LRRFIP1: variants seen among roughly 807,000 people sequenced by gnomAD.
LRRFIP1 encodes the protein LRR binding FLII interacting protein 1, also known as leucine-rich repeat flightless-interacting protein 1.
LRRFIP1 carries 62 observed loss-of-function variants against 104.4 expected under a neutral mutation model. The observed-to-expected ratio is 0.59, with a 90% CI of 0.48 to 0.73. LRRFIP1 has a LOEUF of 0.73. Among genes scored for constraint, LRRFIP1 ranks in the 30% least tolerant of loss-of-function variants. LRRFIP1 has a pLI of 0.00. For missense variants in LRRFIP1, 796 were observed against 824.5 expected, an observed-to-expected ratio of 0.97 and a Z score of 0.42; for synonymous variants, 300 against 299.0, an observed-to-expected ratio of 1.00 and a Z score of -0.03.
chr2:237,741,383 T>C (rs907570524), intron 11 of LRRFIP1, among the ~76,000 whole-genome samples: 1 of 152,210 alleles, frequency 6.6e-6, no homozygotes, highest in Admixed American at 6.5e-5. Context: ...TTCCTTAAAG[T>C]TGGGATCTCT....
At chr2:237,744,838 A>G (rs1005251916) in intron 11 of LRRFIP1, among the ~76,000 whole-genome samples, 8 of 152,366 alleles carry the variant, frequency 5.3e-5, no homozygotes, top group Non-Finnish European at 8.8e-5. Flanking sequence ...CCCGTGCAGG[A>G]GGCCACTGTC....
rs991586307 is a variant in LRRFIP1 at position 237,765,701 on chromosome 2, T to A, written c.1460-4242T>A. 76 of 937,296 alleles carry A rather than the reference T, an allele frequency of 8.1e-5. No homozygotes were observed. In the East Asian group the frequency reaches 3.4e-3, roughly 42 times the overall value. The allele number at this position is 937,296 out of a possible 1,614,324, so 58.1% of individuals were successfully genotyped here. A position where few individuals can be genotyped will look rare whatever the true frequency, so the allele number is the denominator to read the frequency against. The stretch of plus-strand genomic sequence containing the variant: ...AATATCTGTTTTCTATATAAAAAAA[T>A]TTTTTAAAATAATTGTAAAGTTAGA... On this transcript the variant is annotated intron_variant, in intron 19 of 23. Transcript: ENST00000308482.
intron 1 of LRRFIP1, among the ~76,000 whole-genome samples, chr2:237,635,124 C>A (rs947419632): frequency 1.3e-5 from 2 of 152,178 alleles, no homozygotes; most frequent in African/African-American, 4.8e-5. Flanking sequence ...ACACATCCTT[C>A]AGTAGCTTTC....
chr2:237,704,401 A>G (rs867207510), intron 1 of LRRFIP1, among the ~76,000 whole-genome samples: 17 of 151,938 alleles, frequency 1.1e-4, no homozygotes, highest in African/African-American at 3.9e-4. Context: ...TGATCCGCCC[A>G]CCTCAGTCCC....
At chr2:237,752,976 C>A (rs372612125) in intron 14 of LRRFIP1, among the ~76,000 whole-genome samples, 3 of 152,314 alleles carry the variant, frequency 2.0e-5, no homozygotes, top group Admixed American at 2.0e-4. Context: ...AGCCCTAGGA[C>A]GCCGTGCTGG....
intron 5 of LRRFIP1, 51 bp from the exon 6 acceptor site, chr2:237,720,721 A>G (rs756188358): frequency 8.5e-6 from 13 of 1,537,910 alleles, no homozygotes; most frequent in Non-Finnish European, 1.2e-5. Flanking sequence ...CTGGTTCTTC[A>G]TGTATGTTGT....
rs1262306903 is a variant in LRRFIP1, at chr2:237,661,332, T to G, written c.96+33592T>G. ...GTGGGCCACATAATGGAGGCTGGAC[T>G]GTGTGTCCAGTCCACCCAGATGCCA... On this transcript the variant is annotated intron_variant, in intron 1 of 23. Transcript: ENST00000308482. This position sits in a 1 kb window ranked among gnomAD's most constrained non-coding sequence, Gnocchi z 4.4. Among the ~76,000 whole-genome samples the G allele has an allele frequency of 6.6e-6, 1 of 152,178 alleles. No homozygotes were observed. The highest frequency in any genetic ancestry group is 2.4e-5 in the African/African-American group (1 of 41,438).
intron 14 of LRRFIP1, among the ~76,000 whole-genome samples, chr2:237,752,848 C>T (rs892564): frequency 0.27 from 40,364 of 152,134 alleles, 5,615 homozygotes; most frequent in East Asian, 0.53. Flanking sequence ...GGCTGGTTGG[C>T]AGTCACTGGC....
intron 7 of LRRFIP1, among the ~76,000 whole-genome samples, chr2:237,724,722 T>C (rs777100795): frequency 6.6e-6 from 1 of 152,240 alleles, no homozygotes; most frequent in Non-Finnish European, 1.5e-5. Flanking sequence ...TCTTTTTATG[T>C]TAAATTCAAA....
At chr2:237,715,356 G>A (rs754782911) in intron 3 of LRRFIP1, among the ~76,000 whole-genome samples, 3 of 152,192 alleles carry the variant, frequency 2.0e-5, no homozygotes, top group Non-Finnish European at 4.4e-5. Flanking sequence ...AACTGGACAG[G>A]TGCAAGGCCA....
In LRRFIP1 at chr2:237,773,070, G is replaced by A. The variant is rs72985192; in HGVS notation, c.1707+125G>A. The A allele has an allele frequency of 1.8e-3, 1,282 of 693,434 alleles. 1 individual carries two copies. Among genetic ancestry groups the A allele is most frequent in the Non-Finnish European group, 2.6e-3 (1,027 of 399,214 alleles). The allele number at this position is 693,434 out of a possible 1,614,324, so 43.0% of individuals were successfully genotyped here. On this transcript the variant is annotated intron_variant, in intron 22 of 23. Coordinates refer to ENST00000308482, the MANE Select transcript of LRRFIP1 (RefSeq NM_001137550.2). ...TAGAACCAAGAAATGTCCTAAGAGGGATAAGTTAAGACAGCAAGTCTTTCC... is the reference window on the plus strand; with the variant it reads ...TAGAACCAAGAAATGTCCTAAGAGGAATAAGTTAAGACAGCAAGTCTTTCC...
At position 237,631,034 on chromosome 2, in the gene LRRFIP1, G is replaced by T. The variant is rs377395002; in HGVS notation, c.96+3294G>T. Reference sequence around the variant, plus strand: ...AGGGGCTCAGTGCCTGTGGCAAAGGGGGGTGGGTCTACCCTGTGACCTGTC... The same window carrying T: ...AGGGGCTCAGTGCCTGTGGCAAAGGTGGGTGGGTCTACCCTGTGACCTGTC... On this transcript the variant is annotated intron_variant, in intron 1 of 23. Transcript: ENST00000308482. Among the ~76,000 whole-genome samples, 3 of 152,240 alleles carry T rather than the reference G, an allele frequency of 2.0e-5. No homozygotes were observed. The East Asian group carries it at 5.8e-4, about 29-fold the overall frequency.
chr2:237,633,647 G>C (rs1410184577), intron 1 of LRRFIP1, among the ~76,000 whole-genome samples: 2 of 152,078 alleles, frequency 1.3e-5, no homozygotes, highest in East Asian at 3.8e-4. Context: ...AGGTGTGCCA[G>C]GTACTCTGGA....
intron 1 of LRRFIP1, among the ~76,000 whole-genome samples, chr2:237,635,135 G>A (rs200179461): frequency 8.5e-5 from 13 of 152,078 alleles, no homozygotes; most frequent in African/African-American, 1.4e-4. Context: ...AGTAGCTTTC[G>A]GAGCAAGAAT....
chr2:237,708,742 C>A, intron 2 of LRRFIP1, 112 bp downstream of exon 2: 1 of 1,238,948 alleles, frequency 8.1e-7, no homozygotes, highest in Non-Finnish European at 1.2e-6. Context: ...TCACGTTGCT[C>A]ACGGTCAGAG....
At chr2:237,768,342 T>C (rs1045777370) in intron 19 of LRRFIP1, 3 of 152,234 alleles carry the variant, frequency 2.0e-5, no homozygotes, top group Non-Finnish European at 4.4e-5. Context: ...TCTTATTACA[T>C]TTTAACACTT....
rs202078875 is a variant in LRRFIP1, at chr2:237,674,410, CTGTT to C, written c.97-34131_97-34128del. 3.4e-3 allele frequency among the ~76,000 whole-genome samples: 521 copies of C among 152,318 alleles called. 10 individuals are homozygous for C. In the East Asian group the frequency reaches 0.047, roughly 14 times the overall value. On this transcript the variant is annotated intron_variant, in intron 1 of 23. Coordinates refer to ENST00000308482, the MANE Select transcript of LRRFIP1 (RefSeq NM_001137550.2). Reference sequence around the variant, plus strand: ...AAAATGTGATACACTGCAAAAGTGACTGTTTGCTATCTGCAGGAGTGGCCATCAG... The same window carrying C: ...AAAATGTGATACACTGCAAAAGTGACTGCTATCTGCAGGAGTGGCCATCAG...
At chr2:237,677,752 A>C (rs1223345538) in intron 1 of LRRFIP1, among the ~76,000 whole-genome samples, 1 of 152,132 alleles carries the variant, frequency 6.6e-6, no homozygotes, top group African/African-American at 2.4e-5. Flanking sequence ...AGCACAGCCT[A>C]CCTGTGGTAC....
intron 1 of LRRFIP1, among the ~76,000 whole-genome samples, chr2:237,693,297 C>T (rs1012808405): frequency 6.6e-6 from 1 of 152,178 alleles, no homozygotes; most frequent in African/African-American, 2.4e-5. Context: ...AGTATGAGCC[C>T]CAAACAATCA....
Sources: allele counts gnomAD v4.1 joint callset (sites outside exome capture counted in the v4.1 genomes callset), GRCh38; gene constraint gnomAD v4.1.1; non-coding constraint Gnocchi (gnomAD v3.1); transcripts MANE v1.5; gene names NCBI Gene and HGNC (gene_info 2026-07-23, HGNC 2026-07-21).